The following MUC5AC variants were observed in gnomAD, a reference collection of about 807,000 sequenced individuals.
MUC5AC encodes the protein mucin 5AC, oligomeric mucus/gel-forming, also known as mucin-5AC.
In MUC5AC, 158 loss-of-function variants were observed where a neutral mutation model predicts 169.7. The observed-to-expected ratio is 0.93, with a 90% CI of 0.82 to 1.06. MUC5AC has a LOEUF of 1.06. Among genes scored for constraint, MUC5AC ranks in the 50% least tolerant of loss-of-function variants. The pLI is 0.00. For missense variants in MUC5AC, 4,359 were observed against 3,089.9 expected (o/e 1.41, Z -9.74); for synonymous variants, 1,975 against 1,237.0 (o/e 1.60, Z -12.52).
chr11:1,200,355 C>T (rs1861392635), intron 48 of MUC5AC, 83 bp from the exon 49 acceptor site: 8 of 614,434 alleles, frequency 1.3e-5, no homozygotes, highest in South Asian at 3.6e-5. Context: ...ACGATGAGGC[C>T]GCCCAGAGCT....
rs751208171 is a variant in MUC5AC at position 1,194,538 on chromosome 11, G to T, written c.15058G>T (p.Val5020Leu). 1 of 763,548 alleles carries T rather than the reference G, an allele frequency of 1.3e-6. No individual in the cohort carries two copies. The highest frequency in any genetic ancestry group is 2.4e-6 in the Non-Finnish European group (1 of 417,028). 47.3% of individuals were successfully genotyped at this position (763,548 alleles called of 1,614,324 possible). Residue 5020 changes from valine to leucine, a missense_variant, in exon 35 of 49, where the codon GTG becomes TTG. Physicochemically the swap from Val to Leu is conservative, Grantham distance 32. Coordinates refer to ENST00000621226, the MANE Select transcript of MUC5AC (RefSeq NM_001304359.2). ...VSPGFRKNGI[V>L]VSRIGVKMYA... ...CCCCGGCTTCCGGAAAAACGGCATC[G>T]TGGTCTCGCGCATCGGCGTCAAGAT...
Position 1,181,312 on chromosome 11 carries a change from G to A in MUC5AC, c.3862G>A (p.Asp1288Asn), listed in dbSNP as rs1860809915. 2.5e-6 allele frequency: 1 copy of A among 398,458 alleles called. No homozygotes were observed. The highest frequency in any genetic ancestry group is 3.6e-5 in the East Asian group (1 of 28,044). The allele number at this position is 398,458 out of a possible 1,614,324, so 24.7% of individuals were successfully genotyped here. ...CAATGGACAGCGCTTCCACCCAGGG[G>A]ACGTCATCTACCACACGACGGATGG... ...TYNGQRFHPGDVIYHTTDGTG... is the reference protein window; with the variant it reads ...TYNGQRFHPGNVIYHTTDGTG... The change falls in exon 30 of 49, where the codon GAC (aspartate) becomes AAC (asparagine). Residue 1288 changes from aspartate (D) to asparagine (N), a missense_variant. Physicochemically the swap from Asp to Asn is conservative, Grantham distance 23. Transcript: ENST00000621226.
rs1481378754 is a variant in MUC5AC, at chr11:1,186,653, A to G, written c.8508A>G (p.Ser2836=). The G allele has an allele frequency of 2.6e-5, 19 of 732,974 alleles. No homozygotes were observed. The highest frequency in any genetic ancestry group is 2.4e-4 in the Admixed American group (13 of 54,330). 45.4% of individuals were successfully genotyped at this position (732,974 alleles called of 1,614,324 possible). Residue 2836 remains serine (S), a synonymous_variant, in exon 31 of 49, where the codon TCA becomes TCG. Transcript: ENST00000621226. ...TSTTSGPGTT[S]SPVPTTSTTS... ...CAACTTCTGGTCCTGGAACTACTTC[A>G]AGCCCTGTTCCCACCACCAGCACAA...
intron 10 of MUC5AC, 55 bp from the exon 11 acceptor site, chr11:1,165,567 C>G: frequency 6.2e-7 from 1 of 1,605,126 alleles, no homozygotes. Flanking sequence ...GACGCGGAGG[C>G]TGGAGGCTGG....
At position 1,176,267 on chromosome 11, in the gene MUC5AC, C is replaced by A. The variant is rs1860685862; in HGVS notation, c.2502+16C>A. On this transcript the variant is annotated intron_variant, in intron 20 of 48. Coordinates refer to ENST00000621226, the MANE Select transcript of MUC5AC (RefSeq NM_001304359.2). ...CATGACCTGTGTAAGTCCCTGAGGA[C>A]TCCCCAATGACAGACCCTCCATCTG... The A allele has an allele frequency of 1.0e-5, 4 of 398,614 alleles. No individual in the cohort carries two copies. The highest frequency in any genetic ancestry group is 4.4e-5 in the Admixed American group (1 of 22,724). The allele number at this position is 398,614 out of a possible 1,614,324, so 24.7% of individuals were successfully genotyped here. A position where few individuals can be genotyped will look rare whatever the true frequency, so the allele number is the denominator to read the frequency against.
intron 4 of MUC5AC, among the ~76,000 whole-genome samples, 153 bp from the exon 5 acceptor site, chr11:1,162,379 C>T (rs935929289): frequency 3.9e-5 from 6 of 152,106 alleles, no homozygotes; most frequent in African/African-American, 1.4e-4. Flanking sequence ...CCTAGCTCCT[C>T]GTGACCCCCG....
At position 1,188,311 on chromosome 11, in the gene MUC5AC, G is replaced by C. The variant is rs1181816476; in HGVS notation, c.10166G>C (p.Ser3389Thr). The change falls in exon 31 of 49, where the codon AGC becomes ACC. Residue 3389 changes from serine to threonine, a missense_variant. Coordinates refer to ENST00000621226, the MANE Select transcript of MUC5AC (RefSeq NM_001304359.2). ...TTSTTSAPTT[S>T]TTSAPTTSTT... ...AGCACAACCTCTGCTCCCACAACCA[G>C]CACAACTTCTGCCCCTACAACCAGC... is the stretch of plus-strand genomic sequence containing the variant. 1.4e-6 allele frequency: 1 copy of C among 696,080 alleles called. No homozygotes were observed. Among genetic ancestry groups the C allele is most frequent in the Non-Finnish European group, 2.6e-6 (1 of 381,776 alleles). The allele number at this position is 696,080 out of a possible 1,614,324, so 43.1% of individuals were successfully genotyped here. A position where few individuals can be genotyped will look rare whatever the true frequency, so the allele number is the denominator to read the frequency against.
chr11:1,170,315 CTCACTCACT>C (rs1860466810), intron 15 of MUC5AC, among the ~76,000 whole-genome samples: 2 of 125,832 alleles, frequency 1.6e-5, no homozygotes, highest in Admixed American at 8.0e-5. Flanking sequence ...ACTCACTCAC[CTCACTCACT>C]GACTCAACCA....
chr11:1,163,940 C>A lies in MUC5AC; in HGVS notation c.738C>A (p.Asp246Glu), dbSNP rs56085138. 2 of 1,611,542 alleles carry A rather than the reference C, an allele frequency of 1.2e-6. No homozygotes were observed. Among genetic ancestry groups the A allele is most frequent in the South Asian group, 1.1e-5 (1 of 90,816 alleles). Residue 246 changes from aspartate (D) to glutamate (E), a missense_variant, in exon 7 of 49, where the codon GAC becomes GAA. Coordinates refer to ENST00000621226, the MANE Select transcript of MUC5AC (RefSeq NM_001304359.2). ...GNLQKMDDPT[D>E]QCQDPVPEPP... Reference sequence around the variant, plus strand: ...TGCAGAAGATGGACGACCCCACGGACCAGTGTCAGGACCCTGTCCCTGAAC... The same window carrying A: ...TGCAGAAGATGGACGACCCCACGGAACAGTGTCAGGACCCTGTCCCTGAAC...
chr11:1,179,008 T>G, intron 25 of MUC5AC, 84 bp from the exon 26 acceptor site: 1 of 379,192 alleles, frequency 2.6e-6, no homozygotes, highest in Non-Finnish European at 4.5e-6. Flanking sequence ...TCGGCCCCGG[T>G]CAATGTGCCA....
chr11:1,182,003 C>T (rs1052869159), intron 30 of MUC5AC, among the ~76,000 whole-genome samples, 152 bp from the exon 31 acceptor site: 3 of 152,212 alleles, frequency 2.0e-5, no homozygotes, highest in Non-Finnish European at 2.9e-5. Flanking sequence ...GAACCTGTGC[C>T]GCTCATGTGG....
intron 16 of MUC5AC, among the ~76,000 whole-genome samples, chr11:1,174,118 C>T (rs1860618299): frequency 2.6e-5 from 4 of 152,242 alleles, no homozygotes; most frequent in African/African-American, 9.6e-5. Context: ...GCACTTCCAG[C>T]CCTACACTAG....
At chr11:1,165,521 G>A (rs1168346340) in intron 10 of MUC5AC, 101 bp from the exon 11 acceptor site, 3 of 1,584,788 alleles carry the variant, frequency 1.9e-6, no homozygotes, top group East Asian at 4.5e-5. Context: ...GGGCTACGGT[G>A]TAGGCAGGCC....
Position 1,184,798 on chromosome 11 carries a change from A to G in MUC5AC, c.6653A>G (p.Lys2218Arg), listed in dbSNP as rs1245151647. 0.15 allele frequency: 98,567 copies of G among 649,334 alleles called. 6,940 individuals carry two copies. Among genetic ancestry groups the G allele is most frequent in the Non-Finnish European group, 0.19 (67,160 of 360,672 alleles). The allele number at this position is 649,334 out of a possible 1,614,324, so 40.2% of individuals were successfully genotyped here. A position where few individuals can be genotyped will look rare whatever the true frequency, so the allele number is the denominator to read the frequency against. ...EVRVLCCETP[K>R]GCPVTSTPVT... ...CGTGTGCTCTGCTGCGAGACCCCCAAAGGCTGCCCCGTGACCTCCACACCT... is the reference window on the plus strand; with the variant it reads ...CGTGTGCTCTGCTGCGAGACCCCCAGAGGCTGCCCCGTGACCTCCACACCT... Residue 2218 changes from lysine (K) to arginine (R), a missense_variant, in exon 31 of 49, where the codon AAA (lysine) becomes AGA (arginine). Transcript: ENST00000621226.
intron 10 of MUC5AC, 52 bp from the exon 11 acceptor site, chr11:1,165,570 G>T (rs1860298363): frequency 6.2e-7 from 1 of 1,606,378 alleles, no homozygotes; most frequent in African/African-American, 1.3e-5. Flanking sequence ...GCGGAGGCTG[G>T]AGGCTGGTCT....
In MUC5AC at chr11:1,200,679, G is replaced by A. The variant is rs774817096; in HGVS notation, c.16942G>A (p.Val5648Ile). 1.4e-5 allele frequency: 11 copies of A among 759,588 alleles called. No homozygotes were observed. The highest frequency in any genetic ancestry group is 2.2e-5 in the Non-Finnish European group (9 of 414,418). The allele number at this position is 759,588 out of a possible 1,614,324, so 47.1% of individuals were successfully genotyped here. The change falls in exon 49 of 49, where the codon GTC becomes ATC. Residue 5648 changes from valine (V) to isoleucine (I), a missense_variant. Val to Ile is a conservative substitution (Grantham distance 29). Coordinates refer to ENST00000621226, the MANE Select transcript of MUC5AC (RefSeq NM_001304359.2). The part of the protein sequence containing the change: ...EAESGSWERG[V>I]PVSPMH ...AGAGAGTGGGAGCTGGGAGAGAGGC[G>A]TCCCAGTGTCCCCCATGCACTGACC...
intron 26 of MUC5AC, 68 bp downstream of exon 26, chr11:1,179,316 G>A (rs985320232): frequency 0.036 from 15,769 of 439,516 alleles, 398 homozygotes; most frequent in Non-Finnish European, 0.04. Flanking sequence ...CACACTCGCC[G>A]CTGATGCGTG....
At chr11:1,195,773 G>T in intron 36 of MUC5AC, 103 bp from the exon 37 acceptor site, 1 of 641,594 alleles carries the variant, frequency 1.6e-6, no homozygotes, top group South Asian at 1.7e-5. Flanking sequence ...GCTGCTCTGG[G>T]ACTCGCCTCG....
At position 1,167,995 on chromosome 11, in the gene MUC5AC, G is replaced by A. The variant is rs781036760; in HGVS notation, c.1497+8G>A. 42 of 1,548,944 alleles carry A rather than the reference G, an allele frequency of 2.7e-5. No homozygotes were observed. The highest frequency in any genetic ancestry group is 3.3e-5 in the Non-Finnish European group (38 of 1,146,102). ...CTGGATGGGGCGCAGACGGTGAGTG[G>A]AGCCTGGCAGGGCAAACCCCGGGAA... is the stretch of plus-strand genomic sequence containing the variant. On this transcript the variant is annotated splice_region_variant and intron_variant, in intron 12 of 48. Transcript: ENST00000621226.
Sources: gnomAD v4.1 joint callset for allele counts (sites outside exome capture counted in the v4.1 genomes callset) on GRCh38, gnomAD v4.1.1 for gene constraint, MANE v1.5 for transcripts, NCBI Gene and HGNC (gene_info 2026-07-23, HGNC 2026-07-21) for gene names.